Variants in C16orf96 observed in about 807,000 individuals in gnomAD.
C16orf96 encodes chromosome 16 open reading frame 96.
A neutral mutation model predicts 103.6 loss-of-function variants in C16orf96; 108 were observed. The observed-to-expected ratio is 1.04, with a 90% CI of 0.89 to 1.22. The LOEUF is 1.22. Ranked by LOEUF, C16orf96 falls within the 50% of genes most tolerant of loss-of-function variation. The probability of loss-of-function intolerance (pLI) is 0.00; values close to 1 mark genes in which losing one functional copy is unlikely to be tolerated. For synonymous variants in C16orf96, 566 were observed against 593.5 expected (o/e 0.95, Z 0.67); for missense variants, 1,586 against 1,464.2 (o/e 1.08, Z -1.36).
intron 8 of C16orf96, among the ~76,000 whole-genome samples, chr16:4,587,623 T>C (rs1018036222): frequency 3.3e-5 from 5 of 151,098 alleles, no homozygotes; most frequent in South Asian, 2.1e-4. Context: ...TTGAGGATTA[T>C]TAACACTCTA....
chr16:4,586,757 T>C (rs767050000), intron 7 of C16orf96, among the ~76,000 whole-genome samples: 2 of 152,134 alleles, frequency 1.3e-5, no homozygotes, highest in African/African-American at 4.8e-5. Flanking sequence ...ATCGTCCACA[T>C]TGGTTTGTGC....
chr16:4,549,271 A>G, the C16orf96 span, among the ~76,000 whole-genome samples: 9 of 152,016 alleles, frequency 5.9e-5, no homozygotes, highest in South Asian at 2.1e-4. Context: ...TCAGGAGATC[A>G]AGACCATCCA....
At chr16:4,538,602 A>T in the C16orf96 span, 2 of 152,274 alleles carry the variant, frequency 1.3e-5, no homozygotes, top group African/African-American at 2.4e-5. Flanking sequence ...CCACGGTCCG[A>T]GGTCACGCCC....
At chr16:4,552,280 G>A (rs1454730796), upstream of C16orf96, among the ~76,000 whole-genome samples, 2 of 151,912 alleles carry the variant, frequency 1.3e-5, no homozygotes, top group South Asian at 2.1e-4. Flanking sequence ...TCAGGAGCTC[G>A]AGACCAGCCT....
intron 7 of C16orf96, among the ~76,000 whole-genome samples, chr16:4,583,318 C>T (rs369347999): frequency 4.0e-5 from 6 of 151,512 alleles, no homozygotes; most frequent in South Asian, 4.2e-4. Context: ...CTGGACAATA[C>T]GGCAAGGCCC....
At chr16:4,539,410 T>G in the C16orf96 span, among the ~76,000 whole-genome samples, 4 of 152,186 alleles carry the variant, frequency 2.6e-5, no homozygotes, top group African/African-American at 9.6e-5. Flanking sequence ...AGGGCCCAGC[T>G]CAGTGGCTAA....
In C16orf96 at chr16:4,556,919, C is replaced by T. The variant is rs1250206449; in HGVS notation, c.420+10C>T. On this transcript the variant is annotated intron_variant, in intron 1 of 15. Coordinates refer to ENST00000444310, the MANE Select transcript of C16orf96 (RefSeq NM_001145011.2). ...TGAAGTCATGGCCAAGGTACGCCCC[C>T]AGCCTCCAGACACTTCTTTTCCTCC... The T allele has an allele frequency of 2.6e-6, 4 of 1,530,342 alleles. 1 individual carries two copies. 94.8% of individuals were successfully genotyped at this position (1,530,342 alleles called of 1,614,324 possible). A position where few individuals can be genotyped will look rare whatever the true frequency, so the allele number is the denominator to read the frequency against.
In C16orf96 at chr16:4,575,425, G is replaced by A; in HGVS notation, c.945G>A (p.Glu315=). 1 of 1,549,896 alleles carries A rather than the reference G, an allele frequency of 6.5e-7. No individual in the cohort carries two copies. Among genetic ancestry groups the A allele is most frequent in the Non-Finnish European group, 8.7e-7 (1 of 1,146,918 alleles). The change falls in exon 5 of 16, where the codon GAG becomes GAA. Residue 315 remains glutamate (E), a synonymous_variant. Transcript: ENST00000444310. The stretch of plus-strand genomic sequence containing the variant: ...CGCAGCCTCCGGCCCTCACGCCTGA[G>A]TCTGCACCTGGGTGCACAACTGAAT... ...EPAQPPALTP[E]SAPGCTTEFA...
intron 14 of C16orf96, among the ~76,000 whole-genome samples, chr16:4,598,609 A>G (rs1430556864): frequency 6.6e-6 from 1 of 152,126 alleles, no homozygotes; most frequent in Non-Finnish European, 1.5e-5. Context: ...TGTGGATTTT[A>G]CTTCGAATAA....
At chr16:4,538,967 G>A in the C16orf96 span, 2 of 152,264 alleles carry the variant, frequency 1.3e-5, no homozygotes, top group Admixed American at 6.5e-5. Context: ...TGGAGAATAG[G>A]GAAAGAACCG....
At position 4,599,325 on chromosome 16, in the gene C16orf96, C is replaced by T. The variant is rs950903112; in HGVS notation, c.3169C>T (p.Arg1057Cys). ...PSPPSQSLYD[R>C]VHSSALFGAI... ...TCCCCCGTCACAAAGCCTGTATGAC[C>T]GTGTGCACTCCAGTGCCCTATTTGG... Residue 1057 changes from arginine (R) to cysteine (C), a missense_variant, in exon 15 of 16, where the codon CGT becomes TGT. Arg to Cys is a radical substitution (Grantham distance 180, BLOSUM62 -3). Coordinates refer to ENST00000444310, the MANE Select transcript of C16orf96 (RefSeq NM_001145011.2). 2.4e-5 allele frequency: 38 copies of T among 1,551,534 alleles called. No homozygotes were observed. Among genetic ancestry groups the T allele is most frequent in the Non-Finnish European group, 2.8e-5 (32 of 1,146,968 alleles).
At chr16:4,587,490 T>C (rs1183832763) in intron 8 of C16orf96, among the ~76,000 whole-genome samples, 1 of 142,020 alleles carries the variant, frequency 7.0e-6, no homozygotes, top group Non-Finnish European at 1.5e-5. Flanking sequence ...ATCATGCCAT[T>C]GCACTCCAGC....
At chr16:4,583,693 T>C (rs550769632) in intron 7 of C16orf96, among the ~76,000 whole-genome samples, 1 of 151,792 alleles carries the variant, frequency 6.6e-6, no homozygotes, top group Admixed American at 6.6e-5. Context: ...GAGGCCGACA[T>C]GGGCGGATCA....
chr16:4,586,153 G>A (rs1161316042), intron 7 of C16orf96, among the ~76,000 whole-genome samples: 3 of 152,152 alleles, frequency 2.0e-5, no homozygotes, highest in African/African-American at 7.2e-5. Flanking sequence ...CCAACTACTC[G>A]GGAGGCTGAG....
Position 4,580,073 on chromosome 16 carries a change from T to G in C16orf96, c.2300T>G (p.Ile767Ser). The G allele has an allele frequency of 6.5e-7, 1 of 1,549,478 alleles. No homozygotes were observed. Among genetic ancestry groups the G allele is most frequent in the Non-Finnish European group, 8.7e-7 (1 of 1,145,956 alleles). ...NQIEMMKDRY[I>S]TLDKAVENLQ... ...ATAGAGATGATGAAGGATCGCTACA[T>G]CACTTTGGACAAGGCGGTGGAGAAC... Residue 767 changes from isoleucine to serine, a missense_variant, in exon 7 of 16, where the codon ATC becomes AGC. Ile to Ser is a moderately radical substitution (Grantham distance 142). Coordinates refer to ENST00000444310, the MANE Select transcript of C16orf96 (RefSeq NM_001145011.2).
rs767812007 is a variant in C16orf96, at chr16:4,576,182, G to A, written c.1702G>A (p.Ala568Thr). 18 of 1,550,378 alleles carry A rather than the reference G, an allele frequency of 1.2e-5. No homozygotes were observed. The highest frequency in any genetic ancestry group is 1.1e-4 in the African/African-American group (8 of 73,066). ...QSALHRLKTTAAIAAAAAAAY... is the reference protein window; with the variant it reads ...QSALHRLKTTTAIAAAAAAAY... The stretch of plus-strand genomic sequence containing the variant: ...TGCCCTTCACCGGCTGAAAACCACC[G>A]CTGCCATCGCCGCCGCTGCCGCCGC... The change falls in exon 5 of 16, where the codon GCT (alanine) becomes ACT (threonine). Residue 568 changes from alanine (A) to threonine (T), a missense_variant. Ala to Thr is a moderately conservative substitution (Grantham distance 58). Transcript: ENST00000444310.
chr16:4,562,084 T>C (rs578114272), intron 1 of C16orf96, among the ~76,000 whole-genome samples: 1 of 152,330 alleles, frequency 6.6e-6, no homozygotes, highest in African/African-American at 2.4e-5. Flanking sequence ...GCATCGCCAC[T>C]GCATTACAAC....
chr16:4,561,777 C>G (rs2059334072), intron 1 of C16orf96: 1 of 152,234 alleles, frequency 6.6e-6, no homozygotes, highest in Non-Finnish European at 1.5e-5. Context: ...GCACAGCTAA[C>G]TGTCTGCACC....
chr16:4,558,558 G>C (rs2059292577), intron 1 of C16orf96, among the ~76,000 whole-genome samples: 1 of 152,054 alleles, frequency 6.6e-6, no homozygotes, highest in African/African-American at 2.4e-5. Context: ...GCTGCAGTGA[G>C]TTGTAGTCAC....
Sources: allele counts gnomAD v4.1 joint callset (sites outside exome capture counted in the v4.1 genomes callset), GRCh38; gene constraint gnomAD v4.1.1; transcripts MANE v1.5; gene names NCBI Gene and HGNC (gene_info 2026-07-23, HGNC 2026-07-21).